The following EPB41 variants were observed in gnomAD, a reference collection of about 807,000 sequenced individuals.
The protein encoded by EPB41 is erythrocyte membrane protein band 4.1.
EPB41 carries 65 observed loss-of-function variants against 108.0 expected under a neutral mutation model. That is an observed-to-expected ratio of 0.60 (90% CI 0.49 to 0.74). EPB41 has a LOEUF of 0.74. Among genes scored for constraint, EPB41 ranks in the 30% least tolerant of loss-of-function variants. EPB41 has a pLI of 0.00. For missense variants in EPB41, 875 were observed against 1,037.0 expected, an observed-to-expected ratio of 0.84 and a Z score of 2.15; for synonymous variants, 336 against 358.9, an observed-to-expected ratio of 0.94 and a Z score of 0.72.
At chr1:29,022,488 C>T (rs780786923) in intron 7 of EPB41, among the ~76,000 whole-genome samples, 6 of 151,992 alleles carry the variant, frequency 3.9e-5, no homozygotes, top group Admixed American at 6.6e-5. Context: ...TTTGGGAGGC[C>T]GAGGCAGGCG....
At chr1:29,057,451 TG>T (rs1185275456) in intron 12 of EPB41, among the ~76,000 whole-genome samples, 2 of 149,178 alleles carry the variant, frequency 1.3e-5, no homozygotes, top group African/African-American at 4.9e-5. Context: ...AGTGCTGTAA[TG>T]GGGTGTGCTT....
At chr1:29,102,130 G>A (rs989768373) in intron 17 of EPB41, among the ~76,000 whole-genome samples, 6 of 152,198 alleles carry the variant, frequency 3.9e-5, no homozygotes, top group African/African-American at 1.4e-4. Context: ...GAGGATATAG[G>A]AAATAATTAC....
At chr1:28,903,563 T>G (rs2091503922) in intron 1 of EPB41, among the ~76,000 whole-genome samples, 1 of 151,976 alleles carries the variant, frequency 6.6e-6, no homozygotes, top group Admixed American at 6.6e-5. Flanking sequence ...TCAGGTGATC[T>G]GCCCACCTCA....
chr1:28,976,813 A>C (rs1361907525), intron 1 of EPB41, among the ~76,000 whole-genome samples: 1 of 152,134 alleles, frequency 6.6e-6, no homozygotes, highest in Non-Finnish European at 1.5e-5. Flanking sequence ...ATTGCACTTC[A>C]AGTCTCTTTC....
At chr1:29,068,685 T>G (rs753398927) in intron 16 of EPB41, 1 of 1,139,464 alleles carries the variant, frequency 8.8e-7, no homozygotes, top group Non-Finnish European at 1.1e-6. Flanking sequence ...ACGGTATTGT[T>G]GTTGCATTGC....
chr1:28,908,019 T>G (rs1404524401), intron 1 of EPB41, among the ~76,000 whole-genome samples: 1 of 152,044 alleles, frequency 6.6e-6, no homozygotes, highest in Non-Finnish European at 1.5e-5. Context: ...GCTAATAATA[T>G]TGCCTAAGTA....
intron 1 of EPB41, among the ~76,000 whole-genome samples, chr1:28,967,430 GA>G (rs908627606): frequency 1.6e-4 from 24 of 152,276 alleles, no homozygotes; most frequent in Non-Finnish European, 7.4e-5. Flanking sequence ...GAATGATGAG[GA>G]ACTGGTAAAC....
intron 1 of EPB41, among the ~76,000 whole-genome samples, chr1:28,965,460 G>A (rs2985320): frequency 0.011 from 1,702 of 152,226 alleles, 28 homozygotes; most frequent in African/African-American, 0.038. Context: ...TGTAAGTCTG[G>A]AGACTGTATC....
At chr1:28,972,497 A>G (rs957634) in intron 1 of EPB41, among the ~76,000 whole-genome samples, 18,730 of 152,130 alleles carry the variant, frequency 0.12, 1,592 homozygotes, top group African/African-American at 0.25. Context: ...GAATGAGTTG[A>G]TTCAGCGGTA....
chr1:28,954,712 A>G (rs1439384320), intron 1 of EPB41, among the ~76,000 whole-genome samples: 1 of 152,182 alleles, frequency 6.6e-6, no homozygotes, highest in African/African-American at 2.4e-5. Context: ...GGTTGATTTC[A>G]TGCCACCATG....
chr1:29,106,949 T>C (rs911861239), intron 17 of EPB41, among the ~76,000 whole-genome samples: 2 of 151,470 alleles, frequency 1.3e-5, no homozygotes, highest in Non-Finnish European at 2.9e-5. Flanking sequence ...TTTGGGAGGC[T>C]GAGGAGGGTG....
At chr1:28,914,238 C>A (rs759571171), upstream of EPB41, among the ~76,000 whole-genome samples, 6 of 152,264 alleles carry the variant, frequency 3.9e-5, no homozygotes, top group Non-Finnish European at 8.8e-5. Flanking sequence ...GTCCAGGGCT[C>A]TAGCTGCCTC....
chr1:29,006,514 G>A, intron 4 of EPB41, among the ~76,000 whole-genome samples: 1 of 152,012 alleles, frequency 6.6e-6, no homozygotes, highest in African/African-American at 2.4e-5. Flanking sequence ...TGGGATTACA[G>A]GTGTGAGCCA....
chr1:29,072,558 T>C (rs2151123751), intron 16 of EPB41: 1 of 152,334 alleles, frequency 6.6e-6, no homozygotes, highest in East Asian at 1.9e-4. Flanking sequence ...CCAAGTCCAT[T>C]AAAAGTCTAA....
intron 1 of EPB41, among the ~76,000 whole-genome samples, chr1:28,983,060 T>C (rs759796688): frequency 2.7e-4 from 41 of 152,212 alleles, no homozygotes; most frequent in Non-Finnish European, 4.7e-4. Flanking sequence ...ACTTCCTAAA[T>C]GTGGCACAGA....
At chr1:28,927,930 T>C (rs1024363480) in intron 1 of EPB41, among the ~76,000 whole-genome samples, 4 of 152,136 alleles carry the variant, frequency 2.6e-5, no homozygotes, top group African/African-American at 9.7e-5. Context: ...GCAAGGACTT[T>C]TGTTCCTGAA....
intron 1 of EPB41, among the ~76,000 whole-genome samples, chr1:28,956,261 A>G (rs1187279825): frequency 1.3e-5 from 2 of 152,234 alleles, no homozygotes; most frequent in African/African-American, 4.8e-5. Flanking sequence ...AGAAAAGTAT[A>G]TATCTCTGTT....
intron 1 of EPB41, among the ~76,000 whole-genome samples, chr1:28,934,666 T>TTG (rs1204147204): frequency 0.12 from 15,978 of 135,964 alleles, 1,134 homozygotes; most frequent in Non-Finnish European, 0.16. Flanking sequence ...TCTTTTGACA[T>TTG]TGTGTGTGTG....
At chr1:28,976,251 G>A (rs1328896356) in intron 1 of EPB41, among the ~76,000 whole-genome samples, 1 of 152,160 alleles carries the variant, frequency 6.6e-6, no homozygotes, top group East Asian at 1.9e-4. Flanking sequence ...TCTGGGAAAT[G>A]AGAATGTCTA....
Sources: allele counts gnomAD v4.1 joint callset (sites outside exome capture counted in the v4.1 genomes callset), GRCh38; gene constraint gnomAD v4.1.1; transcripts MANE v1.5; gene names NCBI Gene and HGNC (gene_info 2026-07-23, HGNC 2026-07-21).